The following SNAP47 variants were observed in gnomAD, a reference collection of about 807,000 sequenced individuals.
SNAP47 encodes the protein synaptosomal-associated protein 47.
A neutral mutation model predicts 31.4 loss-of-function variants in SNAP47; 20 were observed. That is an observed-to-expected ratio of 0.64 (90% confidence interval 0.45 to 0.93). The LOEUF is 0.93. Among genes scored for constraint, SNAP47 ranks in the 40% least tolerant of loss-of-function variants. The pLI, the probability that SNAP47 is intolerant of heterozygous loss-of-function variation, is 0.00. For synonymous variants in SNAP47, 194 were observed against 213.4 expected, an observed-to-expected ratio of 0.91 and a Z score of 0.79; for missense variants, 492 against 528.5, an observed-to-expected ratio of 0.93 and a Z score of 0.68.
chr1:227,728,340 C>A (rs1571950912), upstream of SNAP47, among the ~76,000 whole-genome samples: 7 of 152,174 alleles, frequency 4.6e-5, 2 homozygotes, highest in Admixed American at 4.6e-4. Context: ...CGGTGCTTGC[C>A]ACCGGAGCGG....
intron 3 of SNAP47, 117 bp downstream of exon 3, chr1:227,759,602 A>G (rs1572025177): frequency 7.3e-7 from 1 of 1,363,376 alleles, no homozygotes; most frequent in Non-Finnish European, 1.0e-6. Context: ...GCTGGCCTCC[A>G]GCTTGCTAGA....
rs556181929 is a variant in SNAP47, at chr1:227,741,732, T to A, written c.-45-5960T>A. Among the ~76,000 whole-genome samples, 5 of 151,924 alleles carry A rather than the reference T, an allele frequency of 3.3e-5. No homozygotes were observed. The East Asian group carries it at 9.7e-4, about 30-fold the overall frequency. ...CCAGGCGTGTCGTCGGGTAGGGGAA[T>A]GGCTGGCCGGCGTGGGGGCCGTGTT... On this transcript the variant is annotated intron_variant, in intron 1 of 4. Coordinates refer to ENST00000617596, the MANE Select transcript of SNAP47 (RefSeq NM_053052.4). The surrounding 1 kb of genome is among the most constrained non-coding windows in gnomAD (Gnocchi z 4.2).
At chr1:227,734,066 A>C, upstream of SNAP47, 1 of 1,602,570 alleles carries the variant, frequency 6.2e-7, no homozygotes, top group Non-Finnish European at 8.5e-7. Flanking sequence ...CACCGACAGC[A>C]CGTGAGGCAC....
At chr1:227,771,670 A>AC (rs1663818585) in intron 4 of SNAP47, among the ~76,000 whole-genome samples, 1 of 35,548 alleles carries the variant, frequency 2.8e-5, no homozygotes, top group African/African-American at 1.1e-4. Flanking sequence ...CCCCACCCCC[A>AC]CCCCCACCCT....
At chr1:227,729,292 G>C (rs1489715121) in intron 1 of SNAP47, among the ~76,000 whole-genome samples, 1 of 152,174 alleles carries the variant, frequency 6.6e-6, no homozygotes, top group Non-Finnish European at 1.5e-5. Flanking sequence ...GCTGACTTTG[G>C]GGGTACAGAC....
upstream of SNAP47, chr1:227,733,799 C>T: frequency 1.3e-6 from 2 of 1,585,156 alleles, no homozygotes; most frequent in Non-Finnish European, 1.7e-6. Context: ...AGGGATGGCA[C>T]CCACTGTGAG....
intron 4 of SNAP47, among the ~76,000 whole-genome samples, chr1:227,767,405 A>T (rs1315427113): frequency 6.6e-6 from 1 of 152,216 alleles, no homozygotes; most frequent in Non-Finnish European, 1.5e-5. Flanking sequence ...TTTACCGTGC[A>T]TGTACATGTG....
At position 227,747,761 on chromosome 1, in the gene SNAP47, A is replaced by G; in HGVS notation, c.25A>G (p.Thr9Ala). Residue 9 changes from threonine to alanine, a missense_variant, in exon 2 of 5, where the codon ACC becomes GCC. Transcript: ENST00000617596. MSRDVCIH[T>A]WPCTYYLEPK... ...GATGAGCAGGGATGTCTGCATCCAC[A>G]CCTGGCCGTGCACCTACTACCTGGA... 6.2e-7 allele frequency: 1 copy of G among 1,614,074 alleles called. No individual in the cohort carries two copies. The highest frequency in any genetic ancestry group is 8.5e-7 in the Non-Finnish European group (1 of 1,179,978).
chr1:227,776,265 C>T, intron 4 of SNAP47: 3 of 1,033,118 alleles, frequency 2.9e-6, no homozygotes, highest in Non-Finnish European at 3.5e-6. Flanking sequence ...AGGCATGCCC[C>T]AGGGCCAGCC....
At chr1:227,766,824 G>A (rs1009386877) in intron 3 of SNAP47, 135 bp from the exon 4 acceptor site, 1 of 1,297,136 alleles carries the variant, frequency 7.7e-7, no homozygotes, top group African/African-American at 1.4e-5. Context: ...GCTCACAGAG[G>A]TCGAGAGAGG....
intron 4 of SNAP47, among the ~76,000 whole-genome samples, chr1:227,770,276 C>T (rs1159323763): frequency 2.0e-5 from 3 of 152,222 alleles, no homozygotes; most frequent in East Asian, 1.9e-4. Flanking sequence ...GGAGCCGAGC[C>T]TGGTGCTGGG....
rs549626140 is a variant in SNAP47 at position 227,767,509 on chromosome 1, GTGTA to G, written c.1113+430_1113+433del. On this transcript the variant is annotated intron_variant, in intron 4 of 4. Transcript: ENST00000617596. ...CATATGTTATGCATGTACTTGTACT[GTGTA>G]TGTGCATGTGCATGTGTGTGTACTT... Among the ~76,000 whole-genome samples the G allele has an allele frequency of 1.1e-4, 17 of 152,218 alleles. No homozygotes were observed. In the South Asian group the frequency reaches 3.5e-3, roughly 32 times the overall value.
intron 1 of SNAP47, among the ~76,000 whole-genome samples, chr1:227,740,739 A>G (rs150157594): frequency 2.6e-5 from 4 of 152,150 alleles, no homozygotes; most frequent in Admixed American, 2.6e-4. Context: ...GGACATGCTC[A>G]TGGCATGTTT....
chr1:227,734,760 T>C (rs1660954783), upstream of SNAP47: 4 of 1,614,166 alleles, frequency 2.5e-6, no homozygotes, highest in Non-Finnish European at 3.4e-6. Context: ...ATGTGCTCTT[T>C]GGGGTTCGAG....
At chr1:227,772,890 T>A (rs959582693) in intron 4 of SNAP47, among the ~76,000 whole-genome samples, 3 of 152,252 alleles carry the variant, frequency 2.0e-5, no homozygotes, top group African/African-American at 7.2e-5. Context: ...AGTTTATCTC[T>A]GGTTTCTCAC....
Position 227,741,767 on chromosome 1 carries a change from G to T in SNAP47, c.-45-5925G>T, listed in dbSNP as rs931226691. Among the ~76,000 whole-genome samples, 24 of 152,110 alleles carry T rather than the reference G, an allele frequency of 1.6e-4. No homozygotes were observed. Among genetic ancestry groups the T allele is most frequent in the Admixed American group, 1.3e-4 (2 of 15,288 alleles). ...GCGTGGGGGCCGTGTTCAAGATTGG[G>T]CTGCTTCTGATGTTCCATGGGGTGT... On this transcript the variant is annotated intron_variant, in intron 1 of 4. Coordinates refer to ENST00000617596, the MANE Select transcript of SNAP47 (RefSeq NM_053052.4). The surrounding 1 kb of genome is among the most constrained non-coding windows in gnomAD (Gnocchi z 4.2).
intron 4 of SNAP47, among the ~76,000 whole-genome samples, chr1:227,772,295 T>C (rs975889183): frequency 2.0e-5 from 3 of 152,206 alleles, no homozygotes; most frequent in African/African-American, 7.2e-5. Flanking sequence ...ACCATCATCC[T>C]GCACAGAAAC....
chr1:227,735,833 C>T (rs1661101873), intron 1 of SNAP47: 2 of 631,658 alleles, frequency 3.2e-6, no homozygotes, highest in African/African-American at 2.0e-5. Flanking sequence ...GACGGTGGCA[C>T]TTGGAGGGGA....
rs1663176559 is a variant in SNAP47, at chr1:227,763,249, TG to T, written c.989-3709del. Among the ~76,000 whole-genome samples, 1 of 152,154 alleles carries T rather than the reference TG, an allele frequency of 6.6e-6. No individual in the cohort carries two copies. The highest frequency in any genetic ancestry group is 2.1e-4 in the South Asian group (1 of 4,818). On this transcript the variant is annotated intron_variant, in intron 3 of 4. Coordinates refer to ENST00000617596, the MANE Select transcript of SNAP47 (RefSeq NM_053052.4). This position sits in a 1 kb window ranked among gnomAD's most constrained non-coding sequence, Gnocchi z 4.2. Reference sequence around the variant, plus strand: ...GGATTTCAGGCGTGAGCCTCTACCCTGCTGTGCACAGCGTATTTGAAGGCTG... The same window carrying T: ...GGATTTCAGGCGTGAGCCTCTACCCTCTGTGCACAGCGTATTTGAAGGCTG...
Sources: allele counts gnomAD v4.1 joint callset (sites outside exome capture counted in the v4.1 genomes callset), GRCh38; gene constraint gnomAD v4.1.1; non-coding constraint Gnocchi (gnomAD v3.1); transcripts MANE v1.5; gene names NCBI Gene and HGNC (gene_info 2026-07-23, HGNC 2026-07-21).